The following MRPL1 variants were observed in gnomAD, a reference collection of about 807,000 sequenced individuals.
MRPL1 encodes the protein large ribosomal subunit protein uL1m.
In MRPL1, 28 loss-of-function variants were observed where a neutral mutation model predicts 38.0. The ratio of observed to expected loss-of-function variants is 0.74; its 90% confidence interval spans 0.55 to 1.01. The LOEUF (loss-of-function observed/expected upper bound fraction) is 1.01. MRPL1 is among the 50% of genes least tolerant of loss of function. The pLI is 0.00. For missense variants in MRPL1, 358 were observed against 389.8 expected (o/e 0.92, Z 0.69); for synonymous variants, 123 against 126.7 (o/e 0.97, Z 0.20).
At chr4:77,887,025 G>A (rs771161206) in intron 4 of MRPL1, among the ~76,000 whole-genome samples, 195 bp from the exon 5 acceptor site, 3 of 151,896 alleles carry the variant, frequency 2.0e-5, no homozygotes, top group Non-Finnish European at 4.4e-5. Flanking sequence ...TCCTGACCTC[G>A]GGAACTATCC....
At chr4:77,939,477 C>T (rs116464612) in intron 7 of MRPL1, among the ~76,000 whole-genome samples, 6,894 of 152,178 alleles carry the variant, frequency 0.045, 193 homozygotes, top group African/African-American at 0.076. Flanking sequence ...GATTTTCTCC[C>T]ACTCTTTGGG....
intron 1 of MRPL1, among the ~76,000 whole-genome samples, chr4:77,869,342 A>C (rs1321595104): frequency 6.6e-6 from 1 of 152,196 alleles, no homozygotes. Flanking sequence ...TGAAGTAGCA[A>C]GTGAGGTTAT....
intron 7 of MRPL1, among the ~76,000 whole-genome samples, chr4:77,941,342 G>A (rs1460653069): frequency 6.6e-6 from 1 of 150,426 alleles, no homozygotes; most frequent in Non-Finnish European, 1.5e-5. Context: ...TTTTTGTTAT[G>A]TTCTTTCCTG....
In MRPL1 at chr4:77,887,239, T is replaced by C. The variant is rs1186019353; in HGVS notation, c.506T>C (p.Ile169Thr). ...TGGTAGAATGCATCAGAGGTCAAAA[T>C]AGCGGAAGAAAATGGAGCTGCATTT... ...VFTENASEVK[I>T]AEENGAAFAG... The change falls in exon 5 of 9, where the codon ATA becomes ACA. Residue 169 changes from isoleucine (I) to threonine (T), a missense_variant. Coordinates refer to ENST00000315567, the MANE Select transcript of MRPL1 (RefSeq NM_020236.4). The C allele has an allele frequency of 1.2e-6, 2 of 1,613,744 alleles. No individual in the cohort carries two copies. The highest frequency in any genetic ancestry group is 2.2e-5 in the East Asian group (1 of 44,878).
At chr4:77,863,341 A>G (rs1735047813) in intron 1 of MRPL1, among the ~76,000 whole-genome samples, 1 of 152,096 alleles carries the variant, frequency 6.6e-6, no homozygotes, top group Non-Finnish European at 1.5e-5. Context: ...TAGGTGGTCT[A>G]ATTTGGATCA....
intron 7 of MRPL1, among the ~76,000 whole-genome samples, chr4:77,927,055 C>T (rs1023377338): frequency 2.6e-5 from 4 of 151,340 alleles, no homozygotes; most frequent in African/African-American, 9.7e-5. Context: ...TTTTTTATCC[C>T]ACTCTTTTAT....
chr4:77,876,641 A>C (rs2110231698), intron 2 of MRPL1, among the ~76,000 whole-genome samples: 1 of 152,312 alleles, frequency 6.6e-6, no homozygotes, highest in Non-Finnish European at 1.5e-5. Flanking sequence ...TTTATTGTTT[A>C]ATGTATTGAC....
chr4:77,864,197 A>G (rs563793058), intron 1 of MRPL1, among the ~76,000 whole-genome samples: 4 of 152,136 alleles, frequency 2.6e-5, no homozygotes, highest in Non-Finnish European at 5.9e-5. Flanking sequence ...CACAAATCCA[A>G]AGAAACCAAA....
intron 6 of MRPL1, among the ~76,000 whole-genome samples, chr4:77,898,915 C>T (rs752825566): frequency 2.6e-5 from 4 of 151,360 alleles, no homozygotes; most frequent in Admixed American, 1.3e-4. Flanking sequence ...AAAGTTCTTG[C>T]GGTCATAGAA....
At chr4:77,944,618 A>T (rs2110266828) in intron 7 of MRPL1, among the ~76,000 whole-genome samples, 1 of 152,234 alleles carries the variant, frequency 6.6e-6, no homozygotes, top group Non-Finnish European at 1.5e-5. Context: ...GTGTTGCTTG[A>T]CAGAGTGAGG....
chr4:77,885,354 T>A lies in MRPL1; in HGVS notation c.486+15T>A, dbSNP rs1468847794. 6.3e-7 allele frequency: 1 copy of A among 1,589,926 alleles called. No homozygotes were observed. The highest frequency in any genetic ancestry group is 1.7e-5 in the Admixed American group (1 of 59,916). On this transcript the variant is annotated intron_variant, in intron 4 of 8. Transcript: ENST00000315567. Reference sequence around the variant, plus strand: ...TATTTACAGAGGTGAGTAACTTCCGTCAACTATTTATATCATTTAATTTTT... The same window carrying A: ...TATTTACAGAGGTGAGTAACTTCCGACAACTATTTATATCATTTAATTTTT...
intron 6 of MRPL1, among the ~76,000 whole-genome samples, chr4:77,905,842 T>C (rs1736146021): frequency 6.6e-6 from 1 of 152,226 alleles, no homozygotes; most frequent in Non-Finnish European, 1.5e-5. Flanking sequence ...CATTACATCA[T>C]CAGTATGATA....
intron 1 of MRPL1, among the ~76,000 whole-genome samples, chr4:77,870,803 G>C (rs1735263945): frequency 6.6e-6 from 1 of 152,162 alleles, no homozygotes; most frequent in Non-Finnish European, 1.5e-5. Flanking sequence ...AAAGAATATA[G>C]TTAAGATGAA....
rs915203926 is a variant in MRPL1, at chr4:77,907,152, T to G, written c.671-2114T>G. On this transcript the variant is annotated intron_variant, in intron 6 of 8. Transcript: ENST00000315567. ...GTCTCTTCAGTGGCACAGTCTTCAT[T>G]CTATTTCTTACCCTTTAAATAATTC... 3.0e-6 allele frequency: 3 copies of G among 984,390 alleles called. No individual in the cohort carries two copies. The African/African-American group carries it at 5.2e-5, about 17-fold the overall frequency. The allele number at this position is 984,390 out of a possible 1,614,324, so 61.0% of individuals were successfully genotyped here. A position where few individuals can be genotyped will look rare whatever the true frequency, so the allele number is the denominator to read the frequency against.
chr4:77,944,226 T>G (rs971129176), intron 7 of MRPL1, among the ~76,000 whole-genome samples: 1 of 152,210 alleles, frequency 6.6e-6, no homozygotes, highest in African/African-American at 2.4e-5. Context: ...CAGAGTACTA[T>G]GATGTGAACT....
At chr4:77,906,519 A>G (rs77616715) in intron 6 of MRPL1, among the ~76,000 whole-genome samples, 2,120 of 152,266 alleles carry the variant, frequency 0.014, 24 homozygotes, top group Non-Finnish European at 0.021. Context: ...TTGACAATGT[A>G]GAGGAAAGAA....
chr4:77,936,349 T>C (rs997926183), intron 7 of MRPL1, among the ~76,000 whole-genome samples: 2 of 152,120 alleles, frequency 1.3e-5, no homozygotes, highest in Non-Finnish European at 2.9e-5. Flanking sequence ...TTGGGCATAA[T>C]AGATACATAG....
chr4:77,952,130 T>C (rs1451621926), intron 8 of MRPL1, among the ~76,000 whole-genome samples: 1 of 152,220 alleles, frequency 6.6e-6, no homozygotes, highest in African/African-American at 2.4e-5. Flanking sequence ...TAGTCTTTGA[T>C]TTAAGTCACC....
chr4:77,905,227 T>C (rs912803248), intron 6 of MRPL1, among the ~76,000 whole-genome samples: 6 of 152,092 alleles, frequency 3.9e-5, no homozygotes, highest in Non-Finnish European at 8.8e-5. Context: ...CTGGGCGCAG[T>C]GACTCATGCC....
Sources: gnomAD v4.1 joint callset for allele counts (sites outside exome capture counted in the v4.1 genomes callset) on GRCh38, gnomAD v4.1.1 for gene constraint, MANE v1.5 for transcripts, NCBI Gene and HGNC (gene_info 2026-07-23, HGNC 2026-07-21) for gene names.